The following DOCK7 variants were observed in gnomAD, a reference collection of about 807,000 sequenced individuals.
DOCK7 encodes the protein dedicator of cytokinesis protein 7.
A neutral mutation model predicts 271.0 loss-of-function variants in DOCK7; 138 were observed. That is an observed-to-expected ratio of 0.51 (90% CI 0.44 to 0.59). The LOEUF is 0.59. Among genes scored for constraint, DOCK7 ranks in the 20% least tolerant of loss-of-function variants. The pLI is 0.00. For missense variants in DOCK7, 2,066 were observed against 2,592.4 expected (o/e 0.80, Z 4.41); for synonymous variants, 823 against 876.1 (o/e 0.94, Z 1.07).
At chr1:62,641,149 C>CT (rs1333120592) in intron 7 of DOCK7, 2 of 335,094 alleles carry the variant, frequency 6.0e-6, no homozygotes, top group East Asian at 1.6e-4. Context: ...TTGAGGACCT[C>CT]TATGTATTTG....
At position 62,457,164 on chromosome 1, in the gene DOCK7, A is replaced by C. The variant is rs368990313; in HGVS notation, c.6380+374T>G. Among the ~76,000 whole-genome samples the C allele has an allele frequency of 1.1e-4, 17 of 152,340 alleles. No homozygotes were observed. In the South Asian group the frequency reaches 1.5e-3, roughly 13 times the overall value. ...CGTTGTAGAAAATTCCAAGTTAATG[A>C]CAAGACTTTGTGTGGTGTCCCGGTT... is the stretch of plus-strand genomic sequence containing the variant. On this transcript the variant is annotated intron_variant, in intron 49 of 49. Coordinates refer to ENST00000635253, the MANE Select transcript of DOCK7 (RefSeq NM_001367561.1).
intron 14 of DOCK7, chr1:62,605,599 G>T (rs1650874612): frequency 1.3e-5 from 2 of 152,490 alleles, no homozygotes; most frequent in East Asian, 3.9e-4. Context: ...TCAGATTACA[G>T]TAAGAATGAA....
intron 42 of DOCK7, chr1:62,488,156 C>G (rs1327865229): frequency 6.6e-6 from 1 of 152,346 alleles, no homozygotes; most frequent in Non-Finnish European, 1.5e-5. Context: ...TCCTTTGACA[C>G]TAGCAGCAGT....
chr1:62,642,569 C>G (rs1405824108), intron 7 of DOCK7, among the ~76,000 whole-genome samples: 4 of 152,128 alleles, frequency 2.6e-5, no homozygotes, highest in African/African-American at 4.8e-5. Context: ...TTTAAAATAT[C>G]AATATCTTTA....
chr1:62,645,369 A>T (rs1221140889), intron 7 of DOCK7, among the ~76,000 whole-genome samples: 1 of 152,068 alleles, frequency 6.6e-6, no homozygotes, highest in East Asian at 1.9e-4. Context: ...GTACTGACAC[A>T]TGTTACAGCA....
chr1:62,604,429 C>T (rs1650641456), intron 14 of DOCK7: 2 of 886,100 alleles, frequency 2.3e-6, no homozygotes, highest in African/African-American at 1.7e-5. Context: ...TAATCTTCCT[C>T]AGATTTTCTA....
intron 43 of DOCK7, chr1:62,485,450 C>T: frequency 1.0e-6 from 1 of 985,238 alleles, no homozygotes; most frequent in Non-Finnish European, 1.2e-6. Flanking sequence ...TATATAAGCC[C>T]AGATGGGGTT....
chr1:62,651,375 A>G (rs912958389), intron 4 of DOCK7, among the ~76,000 whole-genome samples: 4 of 150,974 alleles, frequency 2.6e-5, no homozygotes, highest in Non-Finnish European at 5.9e-5. Flanking sequence ...GGTGCAGCAC[A>G]CCAACATGGC....
chr1:62,563,271 T>C (rs898785258), intron 18 of DOCK7, among the ~76,000 whole-genome samples: 1 of 152,130 alleles, frequency 6.6e-6, no homozygotes, highest in Non-Finnish European at 1.5e-5. Flanking sequence ...CAGCCCCCAC[T>C]GCTACAACAG....
intron 14 of DOCK7, among the ~76,000 whole-genome samples, chr1:62,587,196 T>G (rs1647665084): frequency 6.6e-6 from 1 of 151,706 alleles, no homozygotes; most frequent in South Asian, 2.1e-4. Flanking sequence ...TTGCATTTAT[T>G]TGAATTCTTG....
At chr1:62,650,545 T>A (rs1290054136) in intron 4 of DOCK7, among the ~76,000 whole-genome samples, 1 of 152,034 alleles carries the variant, frequency 6.6e-6, no homozygotes, top group East Asian at 1.9e-4. Flanking sequence ...AATCTACTCA[T>A]CTGACAAAGG....
At chr1:62,477,080 A>C (rs908945911) in intron 44 of DOCK7, 1 of 152,212 alleles carries the variant, frequency 6.6e-6, no homozygotes, top group African/African-American at 2.4e-5. Context: ...CATTTCAAAC[A>C]ATCTCCCAGG....
intron 37 of DOCK7, among the ~76,000 whole-genome samples, chr1:62,499,587 T>TA (rs1491422945): frequency 1.3e-5 from 2 of 152,086 alleles, no homozygotes; most frequent in East Asian, 3.9e-4. Context: ...AGTAAGAAAC[T>TA]TAGCCCGGTG....
chr1:62,513,910 G>C lies in DOCK7; in HGVS notation c.3937-12C>G, dbSNP rs1245890504. The C allele has an allele frequency of 6.2e-7, 1 of 1,609,494 alleles. No individual in the cohort carries two copies. Among genetic ancestry groups the C allele is most frequent in the South Asian group, 1.1e-5 (1 of 90,004 alleles). On this transcript the variant is annotated splice_polypyrimidine_tract_variant and intron_variant, in intron 31 of 49. Coordinates refer to ENST00000635253, the MANE Select transcript of DOCK7 (RefSeq NM_001367561.1). ...TGTTGCCTGCCACTCTGAAAATAAA[G>C]AGCAGTAGAATGAGACAGATTGATC...
intron 48 of DOCK7, among the ~76,000 whole-genome samples, chr1:62,473,553 T>C (rs1015434987): frequency 6.6e-6 from 1 of 152,110 alleles, no homozygotes; most frequent in Non-Finnish European, 1.5e-5. Context: ...AGATTACTTA[T>C]TATTGTCAAC....
chr1:62,607,370 T>C (rs1405729285), intron 14 of DOCK7, among the ~76,000 whole-genome samples: 1 of 152,230 alleles, frequency 6.6e-6, no homozygotes, highest in African/African-American at 2.4e-5. Context: ...CATCTCTGGC[T>C]TTTCACTCAA....
intron 41 of DOCK7, among the ~76,000 whole-genome samples, chr1:62,489,297 A>G (rs1435888164): frequency 6.6e-6 from 1 of 151,976 alleles, no homozygotes; most frequent in Non-Finnish European, 1.5e-5. Flanking sequence ...AAAATACAAA[A>G]CATTGGCCGG....
Position 62,535,477 on chromosome 1 carries a change from A to G in DOCK7, c.3611+16T>C. The G allele has an allele frequency of 6.2e-7, 1 of 1,609,254 alleles. No homozygotes were observed. The highest frequency in any genetic ancestry group is 8.5e-7 in the Non-Finnish European group (1 of 1,177,966). On this transcript the variant is annotated intron_variant, in intron 29 of 49. Coordinates refer to ENST00000635253, the MANE Select transcript of DOCK7 (RefSeq NM_001367561.1). ...ATCAAACTCATATTCTACAAGGTAA[A>G]AACTAGTGTACTCACCCTTCAGCAT... is the stretch of plus-strand genomic sequence containing the variant.
At chr1:62,665,738 A>T (rs900557119) in intron 1 of DOCK7, among the ~76,000 whole-genome samples, 8 of 133,612 alleles carry the variant, frequency 6.0e-5, no homozygotes, top group African/African-American at 2.3e-4. Flanking sequence ...AAAAAAAAAA[A>T]AGGACACAAA....
Sources: allele counts gnomAD v4.1 joint callset (sites outside exome capture counted in the v4.1 genomes callset), GRCh38; gene constraint gnomAD v4.1.1; transcripts MANE v1.5; gene names NCBI Gene and HGNC (gene_info 2026-07-23, HGNC 2026-07-21).